Variants in MACROD2 observed in about 807,000 individuals in gnomAD.
The protein encoded by MACROD2 is mono-ADP ribosylhydrolase 2.
Under a neutral mutation model 70.4 loss-of-function variants are expected in MACROD2, and 36 were observed. That is an observed-to-expected ratio of 0.51 (90% CI 0.39 to 0.68). The LOEUF is 0.68. MACROD2 is among the 30% of genes least tolerant of loss of function. The pLI is 0.00. For synonymous variants in MACROD2, 172 were observed against 178.8 expected, an observed-to-expected ratio of 0.96 and a Z score of 0.30; for missense variants, 496 against 538.4, an observed-to-expected ratio of 0.92 and a Z score of 0.78.
In MACROD2 at chr20:14,767,553, C is replaced by T. The variant is rs567888236; in HGVS notation, c.418+82594C>T. Among the ~76,000 whole-genome samples, 202 of 151,954 alleles carry T rather than the reference C, an allele frequency of 1.3e-3. 1 individual carries two copies. The highest frequency in any genetic ancestry group is 4.7e-3 in the African/African-American group (195 of 41,394). On this transcript the variant is annotated intron_variant, in intron 5 of 17. Coordinates refer to ENST00000684519, the MANE Select transcript of MACROD2 (RefSeq NM_001351661.2). ...AGATTCCACCATTTATTGCTGTGCC[C>T]CTAGGAACCCACTCAGTCTTACTGA...
intron 3 of MACROD2, among the ~76,000 whole-genome samples, chr20:14,434,588 G>A (rs943705851): frequency 3.9e-5 from 6 of 152,152 alleles, no homozygotes; most frequent in Non-Finnish European, 8.8e-5. Context: ...AACCTAAGGT[G>A]AGTCAAGCAC....
chr20:15,762,641 C>T (rs1481736864), intron 8 of MACROD2, among the ~76,000 whole-genome samples: 1 of 152,172 alleles, frequency 6.6e-6, no homozygotes, highest in Non-Finnish European at 1.5e-5. Context: ...GGCCTTGGTG[C>T]AGCTGCTCAT....
chr20:15,190,811 G>A (rs913338192), intron 5 of MACROD2, among the ~76,000 whole-genome samples: 1 of 152,132 alleles, frequency 6.6e-6, no homozygotes, highest in Non-Finnish European at 1.5e-5. Flanking sequence ...TTGGCATTTA[G>A]GGACCATCTC....
At chr20:16,016,374 T>G (rs6034349) in intron 15 of MACROD2, among the ~76,000 whole-genome samples, 4,728 of 152,250 alleles carry the variant, frequency 0.031, 217 homozygotes, top group East Asian at 0.22. Context: ...GTTATGCAAG[T>G]GAGCAATATG....
At chr20:14,871,859 TG>T (rs2073492037) in intron 5 of MACROD2, among the ~76,000 whole-genome samples, 1 of 152,014 alleles carries the variant, frequency 6.6e-6, no homozygotes, top group African/African-American at 2.4e-5. Context: ...AGAAAAAAGC[TG>T]GAGTTATAAT....
chr20:14,108,148 GT>G (rs752798169), intron 3 of MACROD2, among the ~76,000 whole-genome samples: 3 of 151,336 alleles, frequency 2.0e-5, no homozygotes, highest in African/African-American at 4.8e-5. Flanking sequence ...GTAGTTATTA[GT>G]TTTTTTTTCT....
intron 3 of MACROD2, among the ~76,000 whole-genome samples, chr20:14,213,645 A>C (rs963654022): frequency 6.6e-6 from 1 of 152,064 alleles, no homozygotes; most frequent in Admixed American, 6.6e-5. Flanking sequence ...CTTTTTGTTA[A>C]ATTTTTTATT....
At chr20:14,666,442 G>A (rs1386168944) in intron 4 of MACROD2, among the ~76,000 whole-genome samples, 3 of 152,040 alleles carry the variant, frequency 2.0e-5, no homozygotes, top group African/African-American at 4.8e-5. Context: ...ATTTCTGTGC[G>A]ACAGAGCTCA....
At chr20:15,583,078 G>A (rs1161940943) in intron 8 of MACROD2, among the ~76,000 whole-genome samples, 4 of 151,986 alleles carry the variant, frequency 2.6e-5, no homozygotes, top group Admixed American at 1.3e-4. Context: ...GTGGTCTACC[G>A]GTTTGTGTCG....
chr20:15,966,575 A>C (rs1010568291), intron 12 of MACROD2, among the ~76,000 whole-genome samples: 1 of 152,104 alleles, frequency 6.6e-6, no homozygotes, highest in South Asian at 2.1e-4. Flanking sequence ...AATCCTGCCT[A>C]TACAAAAAAT....
At chr20:15,902,516 T>A (rs148730501) in intron 10 of MACROD2, among the ~76,000 whole-genome samples, 1 of 152,142 alleles carries the variant, frequency 6.6e-6, no homozygotes, top group African/African-American at 2.4e-5. Flanking sequence ...TCTCGGAGTT[T>A]CTGTCAGTCA....
chr20:16,037,346 G>A (rs552386901), intron 15 of MACROD2, among the ~76,000 whole-genome samples: 1 of 151,966 alleles, frequency 6.6e-6, no homozygotes, highest in Non-Finnish European at 1.5e-5. Flanking sequence ...GATACCAGAG[G>A]GGTTTCCCCA....
chr20:15,036,442 A>G (rs889251773), intron 5 of MACROD2, among the ~76,000 whole-genome samples: 1 of 152,148 alleles, frequency 6.6e-6, no homozygotes, highest in Non-Finnish European at 1.5e-5. Context: ...CTCCAGACCT[A>G]CTGACTCAGA....
intron 5 of MACROD2, among the ~76,000 whole-genome samples, chr20:14,940,289 G>A (rs951101216): frequency 4.0e-5 from 6 of 151,898 alleles, no homozygotes; most frequent in South Asian, 2.1e-4. Context: ...AGAGGTGATC[G>A]CACCACTGCA....
intron 3 of MACROD2, among the ~76,000 whole-genome samples, chr20:14,157,043 A>G (rs1204637050): frequency 1.3e-5 from 2 of 152,194 alleles, no homozygotes; most frequent in Non-Finnish European, 2.9e-5. Context: ...TTATGTTCCA[A>G]TTCTTGAAAG....
chr20:14,436,733 C>T (rs764573666), intron 3 of MACROD2, among the ~76,000 whole-genome samples: 1 of 152,202 alleles, frequency 6.6e-6, no homozygotes, highest in Non-Finnish European at 1.5e-5. Flanking sequence ...CTAGCTGTAT[C>T]AACCAACTGT....
intron 5 of MACROD2, among the ~76,000 whole-genome samples, chr20:14,840,799 A>G (rs2073078841): frequency 1.3e-5 from 2 of 152,202 alleles, no homozygotes; most frequent in South Asian, 2.1e-4. Context: ...CTGAAAGCTC[A>G]TCACAGTGTT....
chr20:15,523,933 G>C (rs1455640321), intron 8 of MACROD2, among the ~76,000 whole-genome samples: 2 of 152,024 alleles, frequency 1.3e-5, no homozygotes, highest in Admixed American at 1.3e-4. Context: ...TCGTGATCTA[G>C]GTGTTCTCTT....
chr20:14,483,963 A>G (rs566816274), intron 3 of MACROD2, among the ~76,000 whole-genome samples: 7 of 152,186 alleles, frequency 4.6e-5, no homozygotes, highest in Non-Finnish European at 7.4e-5. Context: ...TATATTTGAT[A>G]TCTGTCAGAA....
Sources: allele counts gnomAD v4.1 joint callset (sites outside exome capture counted in the v4.1 genomes callset), GRCh38; gene constraint gnomAD v4.1.1; transcripts MANE v1.5; gene names NCBI Gene and HGNC (gene_info 2026-07-23, HGNC 2026-07-21).